The following MCFD2 variants were observed in gnomAD, a reference collection of about 807,000 sequenced individuals.
MCFD2 encodes the protein multiple coagulation factor deficiency 2, ER cargo receptor complex subunit, also known as multiple coagulation factor deficiency protein 2.
In MCFD2, 11 loss-of-function variants were observed where a neutral mutation model predicts 12.8. The ratio of observed to expected loss-of-function variants is 0.86; its 90% confidence interval spans 0.54 to 1.42. MCFD2 has a LOEUF of 1.42. Ranked by LOEUF, MCFD2 falls within the 40% of genes most tolerant of loss-of-function variation. MCFD2 has a pLI of 0.00. For missense variants in MCFD2, 191 were observed against 178.6 expected (o/e 1.07, Z -0.40); for synonymous variants, 70 against 68.1 (o/e 1.03, Z -0.14).
chr2:46,940,718 G>A lies in MCFD2; in HGVS notation c.-8+854C>T, dbSNP rs1670256297. On this transcript the variant is annotated intron_variant, in intron 1 of 2. Transcript: ENST00000409147. This position sits in a 1 kb window ranked among gnomAD's most constrained non-coding sequence, Gnocchi z 4.7. ...AAAATACAAATGCTCCCAGCAGAGG[G>A]GCGTCCAGAGAGTCGCGGGCCTGGG... Among the ~76,000 whole-genome samples the A allele has an allele frequency of 6.6e-6, 1 of 152,226 alleles. No individual in the cohort carries two copies. Among genetic ancestry groups the A allele is most frequent in the Non-Finnish European group, 1.5e-5 (1 of 68,040 alleles).
chr2:46,915,822 C>CCT, upstream of MCFD2: 1 of 294,548 alleles, frequency 3.4e-6, no homozygotes, highest in African/African-American at 2.1e-5. Context: ...CCCCCCCCCC[C>CCT]CCCCCGACCT....
At chr2:46,915,881 C>A, upstream of MCFD2, 1 of 984,508 alleles carries the variant, frequency 1.0e-6, no homozygotes. Flanking sequence ...CGCCGCCGGG[C>A]CCCTCCCGCT....
rs1668051718 is a variant in MCFD2, at chr2:46,902,457, A to G, written c.*3006T>C. 6.6e-6 allele frequency: 1 copy of G among 152,668 alleles called. No homozygotes were observed. The highest frequency in any genetic ancestry group is 2.4e-5 in the African/African-American group (1 of 41,454). The allele number at this position is 152,668 out of a possible 1,614,324, so 9.5% of individuals were successfully genotyped here. A position where few individuals can be genotyped will look rare whatever the true frequency, so the allele number is the denominator to read the frequency against. Reference sequence around the variant, plus strand: ...ATAAAAAACCCTAGAAACGAGTGAAATAGAAAAGAAAGCTAAACCACTATT... The same window carrying G: ...ATAAAAAACCCTAGAAACGAGTGAAGTAGAAAAGAAAGCTAAACCACTATT... On this transcript the variant is annotated 3_prime_UTR_variant, in exon 4 of 4. Transcript: ENST00000319466.
chr2:46,913,438 G>A (rs371004777), intron 1 of MCFD2, among the ~76,000 whole-genome samples: 2 of 152,030 alleles, frequency 1.3e-5, no homozygotes, highest in African/African-American at 4.8e-5. Flanking sequence ...GGCGAGGGAG[G>A]GAAAGATAGA....
chr2:46,924,206 TA>T (rs34177384), intron 1 of MCFD2, among the ~76,000 whole-genome samples: 15,593 of 128,584 alleles, frequency 0.12, 896 homozygotes, highest in African/African-American at 0.16. Flanking sequence ...CCTGTCTCTT[TA>T]AAAAAAAAAA....
rs954373474 is a variant in MCFD2, at chr2:46,901,967, C to T, written c.*3496G>A. ...GCTATTACAAGAATAGTTTACAAGT[C>T]AGCTCTGACTGCACAAATACTTGAC... On this transcript the variant is annotated 3_prime_UTR_variant, in exon 4 of 4. Transcript: ENST00000319466. The surrounding 1 kb of genome is among the most constrained non-coding windows in gnomAD (Gnocchi z 4.3). 11 of 152,656 alleles carry T rather than the reference C, an allele frequency of 7.2e-5. No individual in the cohort carries two copies. Among genetic ancestry groups the T allele is most frequent in the African/African-American group, 2.7e-4 (11 of 41,454 alleles). 9.5% of individuals were successfully genotyped at this position (152,656 alleles called of 1,614,324 possible).
intron 1 of MCFD2, among the ~76,000 whole-genome samples, chr2:46,920,921 C>T (rs1413672345): frequency 6.6e-6 from 1 of 151,286 alleles, no homozygotes; most frequent in Non-Finnish European, 1.5e-5. Flanking sequence ...ATAAGAAAAA[C>T]TATATGATAA....
chr2:46,910,583 G>C (rs1668444602), intron 1 of MCFD2, among the ~76,000 whole-genome samples: 1 of 152,158 alleles, frequency 6.6e-6, no homozygotes, highest in African/African-American at 2.4e-5. Context: ...AGGTGTTATA[G>C]TCCCTCTTAC....
chr2:46,919,191 T>C (rs1446016707), upstream of MCFD2, among the ~76,000 whole-genome samples: 1 of 152,232 alleles, frequency 6.6e-6, no homozygotes. Flanking sequence ...AAACTACATA[T>C]TACTTATTTG....
intron 1 of MCFD2, among the ~76,000 whole-genome samples, chr2:46,935,067 G>A (rs1397808926): frequency 6.6e-6 from 1 of 152,020 alleles, no homozygotes; most frequent in Non-Finnish European, 1.5e-5. Flanking sequence ...CCAAAGTGTG[G>A]GGATTACAGG....
intron 1 of MCFD2, among the ~76,000 whole-genome samples, chr2:46,915,448 G>A (rs1248705282): frequency 6.6e-6 from 1 of 152,148 alleles, no homozygotes; most frequent in African/African-American, 2.4e-5. Flanking sequence ...CGACACAGCT[G>A]GTCCCACAGG....
intron 1 of MCFD2, among the ~76,000 whole-genome samples, chr2:46,921,550 A>G (rs115668408): frequency 0.078 from 11,893 of 152,276 alleles, 628 homozygotes; most frequent in Non-Finnish European, 0.11. Context: ...TTGTCAAAGC[A>G]TAACTCAAAG....
intron 1 of MCFD2, among the ~76,000 whole-genome samples, chr2:46,926,324 C>T (rs547977036): frequency 1.3e-5 from 2 of 152,234 alleles, no homozygotes; most frequent in South Asian, 2.1e-4. Flanking sequence ...CAGTGGAGAT[C>T]GGAGTAAGTG....
At chr2:46,924,311 A>G (rs1433550157) in intron 1 of MCFD2, among the ~76,000 whole-genome samples, 1 of 151,450 alleles carries the variant, frequency 6.6e-6, no homozygotes, top group Non-Finnish European at 1.5e-5. Flanking sequence ...GTATCAGCTC[A>G]TCAACATTCT....
intron 1 of MCFD2, among the ~76,000 whole-genome samples, chr2:46,930,378 A>T (rs1003918539): frequency 1.3e-5 from 2 of 151,172 alleles, no homozygotes; most frequent in Non-Finnish European, 2.9e-5. Context: ...AGATAAGCAG[A>T]TTTTATAATT....
rs1257097577 is a variant in MCFD2, at chr2:46,909,112, A to G, written c.60T>C (p.Cys20=). The G allele has an allele frequency of 6.2e-7, 1 of 1,614,136 alleles. No homozygotes were observed. The highest frequency in any genetic ancestry group is 2.2e-5 in the East Asian group (1 of 44,900). ...PFLCGLLWAF[C]APGARAEEPA... The stretch of plus-strand genomic sequence containing the variant: ...GCTCCTCAGCCCTGGCGCCTGGGGC[A>G]CAAAAGGCCCAGAGCAGGCCACACA... The change falls in exon 2 of 4, where the codon TGT becomes TGC. Residue 20 remains cysteine (C), a synonymous_variant. Coordinates refer to ENST00000319466, the MANE Select transcript of MCFD2 (RefSeq NM_139279.6).
chr2:46,923,698 C>G (rs1309906967), intron 1 of MCFD2, among the ~76,000 whole-genome samples: 1 of 152,070 alleles, frequency 6.6e-6, no homozygotes, highest in Non-Finnish European at 1.5e-5. Context: ...TTGAGACCAG[C>G]CTGCACAACA....
chr2:46,919,507 T>C (rs1342781070), upstream of MCFD2, among the ~76,000 whole-genome samples: 1 of 152,268 alleles, frequency 6.6e-6, no homozygotes, highest in African/African-American at 2.4e-5. Context: ...CTCTTCAGCC[T>C]GGGCAGCAAG....
intron 1 of MCFD2, chr2:46,914,054 C>A (rs1239649904): frequency 6.6e-6 from 1 of 152,450 alleles, no homozygotes; most frequent in Admixed American, 6.5e-5. Flanking sequence ...CCTCTCTCCT[C>A]TGGCTCTCAT....
Sources: allele counts gnomAD v4.1 joint callset (sites outside exome capture counted in the v4.1 genomes callset), GRCh38; gene constraint gnomAD v4.1.1; non-coding constraint Gnocchi (gnomAD v3.1); transcripts MANE v1.5; gene names NCBI Gene and HGNC (gene_info 2026-07-23, HGNC 2026-07-21).